AGPAT3: variants seen among roughly 807,000 people sequenced by gnomAD.
AGPAT3 encodes 1-acylglycerol-3-phosphate O-acyltransferase 3.
In AGPAT3, 5 loss-of-function variants were observed where a neutral mutation model predicts 47.3. That is an observed-to-expected ratio of 0.11 (90% CI 0.06 to 0.22). AGPAT3 has a LOEUF of 0.22. Ranked by LOEUF, AGPAT3 falls within the 10% of genes least tolerant of loss-of-function variation. The probability of loss-of-function intolerance (pLI) is 1.00; values close to 1 mark genes in which losing one functional copy is unlikely to be tolerated. For synonymous variants in AGPAT3, 212 were observed against 208.3 expected, an observed-to-expected ratio of 1.02 and a Z score of -0.15; for missense variants, 315 against 493.0, an observed-to-expected ratio of 0.64 and a Z score of 3.42.
At chr21:43,910,341 C>A (rs749686545) in intron 2 of AGPAT3, among the ~76,000 whole-genome samples, 2 of 152,160 alleles carry the variant, frequency 1.3e-5, no homozygotes, top group East Asian at 1.9e-4. Flanking sequence ...TGTCTCCCAG[C>A]GGCTGTGGCC....
rs1041168585 is a variant in AGPAT3, at chr21:43,939,718, G to A, written c.-48-19916G>A. Among the ~76,000 whole-genome samples the A allele has an allele frequency of 7.2e-5, 11 of 152,174 alleles. No individual in the cohort carries two copies. Among genetic ancestry groups the A allele is most frequent in the Admixed American group, 7.2e-4 (11 of 15,274 alleles). ...TCTTGCTAGCCCACGGCTGAGCACA[G>A]GGTAGACCTCACCAACTCACCCACA... On this transcript the variant is annotated intron_variant, in intron 2 of 9. Transcript: ENST00000291572. This position sits in a 1 kb window ranked among gnomAD's most constrained non-coding sequence, Gnocchi z 4.4.
chr21:43,927,253 T>C lies in AGPAT3; in HGVS notation c.-49+23234T>C, dbSNP rs543557438. Among the ~76,000 whole-genome samples the C allele has an allele frequency of 2.0e-5, 3 of 152,336 alleles. No homozygotes were observed. In the South Asian group the frequency reaches 6.2e-4, roughly 32 times the overall value. On this transcript the variant is annotated intron_variant, in intron 2 of 9. Coordinates refer to ENST00000291572, the MANE Select transcript of AGPAT3 (RefSeq NM_020132.5). ...AAAATATCATTAATTTACAAAATCT[T>C]GTATTTTTAATTTTTGTGGGTACAT...
intron 2 of AGPAT3, among the ~76,000 whole-genome samples, chr21:43,940,172 C>A (rs2087608542): frequency 6.6e-6 from 1 of 152,246 alleles, no homozygotes; most frequent in Non-Finnish European, 1.5e-5. Flanking sequence ...CGGCTCCTCA[C>A]CCTTTGGCCA....
intron 2 of AGPAT3, among the ~76,000 whole-genome samples, chr21:43,905,303 C>T (rs775710025): frequency 4.4e-4 from 67 of 152,032 alleles, no homozygotes; most frequent in Non-Finnish European, 2.4e-4. Context: ...GATTCTCCTG[C>T]CTCAGCCCCC....
chr21:43,888,725 T>C (rs190581418), intron 1 of AGPAT3, among the ~76,000 whole-genome samples: 16 of 152,338 alleles, frequency 1.1e-4, no homozygotes, highest in Admixed American at 9.2e-4. Context: ...GCGAGGTGCT[T>C]CACGCCTGTA....
At chr21:43,936,915 A>G (rs887676136) in intron 2 of AGPAT3, among the ~76,000 whole-genome samples, 35 of 152,250 alleles carry the variant, frequency 2.3e-4, no homozygotes, top group African/African-American at 8.2e-4. Context: ...GATGTGAACA[A>G]GCTTTTTTCC....
At position 43,910,065 on chromosome 21, in the gene AGPAT3, G is replaced by A. The variant is rs538306908; in HGVS notation, c.-49+6046G>A. Among the ~76,000 whole-genome samples, 13 of 152,304 alleles carry A rather than the reference G, an allele frequency of 8.5e-5. No homozygotes were observed. The South Asian group carries it at 2.5e-3, about 29-fold the overall frequency. The stretch of plus-strand genomic sequence containing the variant: ...TTCTTTCCGGGTTAAAACCCACAGC[G>A]TGACCCGTGGCTGGGATCCCCCTGT... On this transcript the variant is annotated intron_variant, in intron 2 of 9. Coordinates refer to ENST00000291572, the MANE Select transcript of AGPAT3 (RefSeq NM_020132.5).
At chr21:43,890,483 G>C (rs1332035395) in intron 1 of AGPAT3, among the ~76,000 whole-genome samples, 10 of 149,410 alleles carry the variant, frequency 6.7e-5, no homozygotes. Flanking sequence ...TGTGATCTCT[G>C]TTCACTGTAG....
chr21:43,920,548 G>T lies in AGPAT3; in HGVS notation c.-49+16529G>T, dbSNP rs903068964. Among the ~76,000 whole-genome samples, 5 of 152,194 alleles carry T rather than the reference G, an allele frequency of 3.3e-5. No homozygotes were observed. Among genetic ancestry groups the T allele is most frequent in the African/African-American group, 9.7e-5 (4 of 41,440 alleles). On this transcript the variant is annotated intron_variant, in intron 2 of 9. Transcript: ENST00000291572. The surrounding 1 kb of genome is among the most constrained non-coding windows in gnomAD (Gnocchi z 6.1). ...ACTGGTTGCCAGGGCAACTGACCAT[G>T]TAATTAGAGGTTGGGACTCCACCCG...
At chr21:43,980,275 C>CA (rs1223637093) in intron 8 of AGPAT3, among the ~76,000 whole-genome samples, 3,391 of 54,060 alleles carry the variant, frequency 0.063, 200 homozygotes, top group African/African-American at 0.18. Flanking sequence ...GACTCCATCT[C>CA]AAAAAAAAAA....
chr21:43,912,319 T>G (rs550214577), intron 2 of AGPAT3, among the ~76,000 whole-genome samples: 1 of 152,374 alleles, frequency 6.6e-6, no homozygotes, highest in South Asian at 2.1e-4. Flanking sequence ...TATCGTGGCC[T>G]TGTCTCCCTT....
intron 2 of AGPAT3, among the ~76,000 whole-genome samples, chr21:43,947,301 C>T (rs1232313169): frequency 3.3e-5 from 5 of 152,246 alleles, no homozygotes; most frequent in Admixed American, 6.5e-5. Flanking sequence ...GGGAGCTTCT[C>T]GCCCTCTTCA....
rs778265509 is a variant in AGPAT3, at chr21:43,938,117, G to GACTCAC, written c.-48-21515_-48-21514insTCACAC. Among the ~76,000 whole-genome samples the GACTCAC allele has an allele frequency of 5.4e-3, 794 of 147,476 alleles. 6 individuals carry two copies. Among genetic ancestry groups the GACTCAC allele is most frequent in the African/African-American group, 0.019 (748 of 39,884 alleles). ...TCTCTCTCTCTCTCACACACACACA[G>GACTCAC]ACACACACACACACACACACACACT... On this transcript the variant is annotated intron_variant, in intron 2 of 9. Transcript: ENST00000291572.
chr21:43,959,887 C>T (rs755101432), intron 3 of AGPAT3, 28 bp downstream of exon 3: 37 of 1,580,036 alleles, frequency 2.3e-5, no homozygotes, highest in Middle Eastern at 3.4e-4. Flanking sequence ...CAGTCCCTGC[C>T]GCCTGGGGCT....
In AGPAT3 at chr21:43,955,106, G is replaced by C. The variant is rs1391042682; in HGVS notation, c.-48-4528G>C. 3 of 1,269,950 alleles carry C rather than the reference G, an allele frequency of 2.4e-6. No homozygotes were observed. The highest frequency in any genetic ancestry group is 1.3e-5 in the South Asian group (1 of 78,550). The allele number at this position is 1,269,950 out of a possible 1,614,324, so 78.7% of individuals were successfully genotyped here. A position where few individuals can be genotyped will look rare whatever the true frequency, so the allele number is the denominator to read the frequency against. ...TGTCGGCAGGGAGCGTATCACCGTG[G>C]CACGTCCATGCCGTGGGGGTCACTC... On this transcript the variant is annotated intron_variant, in intron 2 of 9. Transcript: ENST00000291572. The surrounding 1 kb of genome is among the most constrained non-coding windows in gnomAD (Gnocchi z 4.1).
chr21:43,949,069 A>G (rs1373116244), intron 2 of AGPAT3, among the ~76,000 whole-genome samples: 1 of 151,996 alleles, frequency 6.6e-6, no homozygotes, highest in African/African-American at 2.4e-5. Context: ...GTTCTTTTTC[A>G]TGATTTTCCT....
chr21:43,947,668 C>A (rs150098700), intron 2 of AGPAT3, among the ~76,000 whole-genome samples: 2,421 of 151,870 alleles, frequency 0.016, 40 homozygotes, highest in Middle Eastern at 0.051. Context: ...GACTAAGAAG[C>A]CATGCTGCTG....
rs2030379850 is a variant in AGPAT3, at chr21:43,987,148, C to T, written c.*4756C>T. Among the ~76,000 whole-genome samples the T allele has an allele frequency of 6.6e-6, 1 of 152,238 alleles. No individual in the cohort carries two copies. The highest frequency in any genetic ancestry group is 1.5e-5 in the Non-Finnish European group (1 of 68,052). ...CAATATAAGAGAAAGCGACTCCGTG[C>T]CTCCTTCTGTTTCTTCGTTTCCAGT... On this transcript the variant is annotated 3_prime_UTR_variant, in exon 10 of 10. Coordinates refer to ENST00000291572, the MANE Select transcript of AGPAT3 (RefSeq NM_020132.5).
chr21:43,889,345 TTGCCAGGAGGTTC>T (rs1348999418), intron 1 of AGPAT3, among the ~76,000 whole-genome samples: 4 of 152,050 alleles, frequency 2.6e-5, no homozygotes, highest in African/African-American at 9.7e-5. Flanking sequence ...CATTTCGCAT[TTGCCAGGAGGTTC>T]TGGTTTTTGT....
Sources: gnomAD v4.1 joint callset for allele counts (sites outside exome capture counted in the v4.1 genomes callset) on GRCh38, gnomAD v4.1.1 for gene constraint, Gnocchi (gnomAD v3.1) non-coding constraint, MANE v1.5 for transcripts, NCBI Gene and HGNC (gene_info 2026-07-23, HGNC 2026-07-21) for gene names.